The following FARP2 variants were observed in gnomAD, a reference collection of about 807,000 sequenced individuals.
FARP2 encodes the protein FERM, ARHGEF and pleckstrin domain-containing protein 2.
In FARP2, 111 loss-of-function variants were observed where a neutral mutation model predicts 130.5. That is an observed-to-expected ratio of 0.85 (90% CI 0.73 to 1.00). The LOEUF (loss-of-function observed/expected upper bound fraction) is 1.00. FARP2 is among the 50% of genes least tolerant of loss of function. The pLI, the probability that FARP2 is intolerant of heterozygous loss-of-function variation, is 0.00. For missense variants in FARP2, 1,385 were observed against 1,346.3 expected (o/e 1.03, Z -0.45); for synonymous variants, 504 against 516.9 (o/e 0.98, Z 0.34).
intron 7 of FARP2, among the ~76,000 whole-genome samples, chr2:241,417,675 A>G (rs899689965): frequency 1.2e-4 from 19 of 152,320 alleles, no homozygotes; most frequent in Non-Finnish European, 2.8e-4. Flanking sequence ...GTATTTGTGT[A>G]TAACCTTGTC....
At chr2:241,410,433 C>CTTTT (rs11369953) in intron 5 of FARP2, among the ~76,000 whole-genome samples, 16 of 143,590 alleles carry the variant, frequency 1.1e-4, no homozygotes, top group African/African-American at 3.6e-4. Context: ...TAATTTCTTT[C>CTTTT]TTTTTTTTTT....
rs1297523879 is a variant in FARP2, at chr2:241,470,812, G to A, written c.2131+2435G>A. Among the ~76,000 whole-genome samples the A allele has an allele frequency of 2.0e-5, 3 of 149,670 alleles. No individual in the cohort carries two copies. The Admixed American group carries it at 2.0e-4, about 10-fold the overall frequency. On this transcript the variant is annotated intron_variant, in intron 18 of 26. Coordinates refer to ENST00000264042, the MANE Select transcript of FARP2 (RefSeq NM_014808.4). ...GTTCTTAGGAGGATACTGTGCTGTG[G>A]GGACTCTGCTCTCAGGTGGATGCTG...
chr2:241,387,804 A>G (rs1044131017), intron 2 of FARP2, among the ~76,000 whole-genome samples: 1 of 151,632 alleles, frequency 6.6e-6, no homozygotes, highest in Non-Finnish European at 1.5e-5. Context: ...AAAAAAAAAA[A>G]AAAAAGAAAA....
chr2:241,465,922 C>G (rs2064157222), intron 17 of FARP2: 14 of 1,425,214 alleles, frequency 9.8e-6, no homozygotes, highest in Non-Finnish European at 1.0e-5. Context: ...GTGCCCTTTT[C>G]CTGCCTCGAC....
At chr2:241,422,354 G>T (rs1322948541) in intron 8 of FARP2, among the ~76,000 whole-genome samples, 1 of 150,476 alleles carries the variant, frequency 6.6e-6, no homozygotes, top group Non-Finnish European at 1.5e-5. Flanking sequence ...AGTGAGCCAA[G>T]ATCGTGCCAC....
At chr2:241,460,052 T>C (rs917187842) in intron 14 of FARP2, among the ~76,000 whole-genome samples, 1 of 152,150 alleles carries the variant, frequency 6.6e-6, no homozygotes, top group Non-Finnish European at 1.5e-5. Flanking sequence ...GTTAGGACAT[T>C]GCCTTTGGAC....
At chr2:241,480,614 A>T (rs1484784156) in intron 19 of FARP2, among the ~76,000 whole-genome samples, 2 of 151,860 alleles carry the variant, frequency 1.3e-5, no homozygotes, top group African/African-American at 2.4e-5. Context: ...ATACTTTTTT[A>T]GGTATGGTAT....
chr2:241,464,024 G>A, intron 17 of FARP2, 44 bp downstream of exon 17: 16 of 1,528,822 alleles, frequency 1.0e-5, no homozygotes, highest in African/African-American at 9.5e-5. Flanking sequence ...GCTGTTTATG[G>A]GAGCAAAACC....
chr2:241,453,373 A>T (rs1574854612), intron 13 of FARP2, among the ~76,000 whole-genome samples: 1 of 151,880 alleles, frequency 6.6e-6, no homozygotes, highest in South Asian at 2.1e-4. Context: ...CTGTAATCCC[A>T]GCACTTTGGG....
intron 8 of FARP2, among the ~76,000 whole-genome samples, chr2:241,420,237 A>G (rs79737866): frequency 0.034 from 5,203 of 152,310 alleles, 288 homozygotes; most frequent in African/African-American, 0.12. Flanking sequence ...CAAACAAGGA[A>G]GCAGCTCTTT....
intron 8 of FARP2, among the ~76,000 whole-genome samples, chr2:241,428,968 C>T (rs1020410366): frequency 3.3e-5 from 5 of 152,116 alleles, no homozygotes; most frequent in Non-Finnish European, 7.3e-5. Flanking sequence ...TAGCATGTAT[C>T]AGTGTTTTAC....
At chr2:241,394,209 G>T (rs2061975523) in intron 2 of FARP2, among the ~76,000 whole-genome samples, 1 of 152,158 alleles carries the variant, frequency 6.6e-6, no homozygotes, top group Non-Finnish European at 1.5e-5. Flanking sequence ...AAGTCGAGAA[G>T]ATTTGAAAGG....
intron 9 of FARP2, among the ~76,000 whole-genome samples, chr2:241,432,948 G>C (rs2063129471): frequency 6.6e-6 from 1 of 152,214 alleles, no homozygotes. Context: ...AGGCACTTGA[G>C]TAGTAGGGCT....
chr2:241,389,349 G>A (rs2061856204), intron 2 of FARP2, among the ~76,000 whole-genome samples: 1 of 152,082 alleles, frequency 6.6e-6, no homozygotes, highest in Non-Finnish European at 1.5e-5. Flanking sequence ...GAGACATAAG[G>A]GAATTTTCTT....
intron 23 of FARP2, 109 bp downstream of exon 23, chr2:241,491,288 C>T (rs895886342): frequency 5.5e-6 from 5 of 909,892 alleles, no homozygotes; most frequent in Non-Finnish European, 8.8e-6. Context: ...CCACACAATC[C>T]CCTTCCACAA....
Position 241,431,687 on chromosome 2 carries a change from C to A in FARP2, c.780C>A (p.Thr260=). 1 of 1,583,144 alleles carries A rather than the reference C, an allele frequency of 6.3e-7. No homozygotes were observed. The highest frequency in any genetic ancestry group is 8.7e-7 in the Non-Finnish European group (1 of 1,155,604). ...HMGVLVFQGT[T]KINTFNWSKV... is the part of the protein sequence containing the mutation. ...TGTCTCTTGCATTTCAGGGCACCAC[C>A]AAAATCAACACTTTCAACTGGTCCA... Residue 260 remains threonine (T), a synonymous_variant, in exon 9 of 27, where the codon ACC becomes ACA. Coordinates refer to ENST00000264042, the MANE Select transcript of FARP2 (RefSeq NM_014808.4).
intron 14 of FARP2, among the ~76,000 whole-genome samples, chr2:241,457,632 C>T (rs112733042): frequency 4.8e-5 from 4 of 83,574 alleles, no homozygotes; most frequent in East Asian, 5.1e-4. Flanking sequence ...CACTAGGGAC[C>T]GCTTTGGGTT....
At chr2:241,371,076 G>A (rs2061414168) in intron 1 of FARP2, among the ~76,000 whole-genome samples, 1 of 152,188 alleles carries the variant, frequency 6.6e-6, no homozygotes, top group South Asian at 2.1e-4. Flanking sequence ...TTTCTTGTTT[G>A]ATAAATTGGA....
chr2:241,384,731 A>G (rs2061744409), intron 2 of FARP2, among the ~76,000 whole-genome samples: 1 of 152,248 alleles, frequency 6.6e-6, no homozygotes, highest in African/African-American at 2.4e-5. Context: ...GTAGCAGAAG[A>G]AAAACCTCTT....
Sources: allele counts gnomAD v4.1 joint callset (sites outside exome capture counted in the v4.1 genomes callset), GRCh38; gene constraint gnomAD v4.1.1; transcripts MANE v1.5; gene names NCBI Gene and HGNC (gene_info 2026-07-23, HGNC 2026-07-21).